DHRS4L2: variants seen among roughly 807,000 people sequenced by gnomAD.
DHRS4L2 encodes dehydrogenase/reductase SDR family member 4-like 2.
A neutral mutation model predicts 23.9 loss-of-function variants in DHRS4L2; 22 were observed. The observed-to-expected ratio is 0.92, with a 90% CI of 0.66 to 1.31. DHRS4L2 has a LOEUF of 1.31. DHRS4L2 is among the 40% of genes most tolerant of loss of function. The pLI is 0.00. For synonymous variants in DHRS4L2, 141 were observed against 123.7 expected, an observed-to-expected ratio of 1.14 and a Z score of -0.93; for missense variants, 385 against 303.3, an observed-to-expected ratio of 1.27 and a Z score of -2.00.
intron 3 of DHRS4L2, among the ~76,000 whole-genome samples, chr14:23,998,974 T>G (rs990652471): frequency 1.0e-4 from 15 of 149,362 alleles, no homozygotes; most frequent in African/African-American, 3.5e-4. Flanking sequence ...GTGTGACTCT[T>G]CCTTTTGCTT....
Sources: allele counts gnomAD v4.1 joint callset (sites outside exome capture counted in the v4.1 genomes callset), GRCh38; gene constraint gnomAD v4.1.1; transcripts MANE v1.5; gene names NCBI Gene and HGNC (gene_info 2026-07-23, HGNC 2026-07-21).